Variants in PCDH9 observed in about 807,000 individuals in gnomAD.
PCDH9 encodes protocadherin 9, also known as protocadherin-9.
A neutral mutation model predicts 70.6 loss-of-function variants in PCDH9; 24 were observed. That is an observed-to-expected ratio of 0.34 (90% CI 0.25 to 0.48). PCDH9 has a LOEUF of 0.48. Among genes scored for constraint, PCDH9 ranks in the 20% least tolerant of loss-of-function variants. PCDH9 has a pLI of 0.99. For synonymous variants in PCDH9, 562 were observed against 558.5 expected, an observed-to-expected ratio of 1.01 and a Z score of -0.09; for missense variants, 1,281 against 1,503.6, an observed-to-expected ratio of 0.85 and a Z score of 2.45.
chr13:66,495,328 A>C (rs1731916818), intron 4 of PCDH9, among the ~76,000 whole-genome samples: 1 of 152,222 alleles, frequency 6.6e-6, no homozygotes, highest in African/African-American at 2.4e-5. Flanking sequence ...GCAGGCTTTA[A>C]GCAATGACAC....
intron 4 of PCDH9, among the ~76,000 whole-genome samples, chr13:66,467,389 T>C (rs1398297320): frequency 1.3e-5 from 2 of 152,008 alleles, no homozygotes. Context: ...CATAGTCAGG[T>C]ACCTATGTCT....
At chr13:66,344,675 A>T (rs1956186344) in intron 4 of PCDH9, among the ~76,000 whole-genome samples, 1 of 152,192 alleles carries the variant, frequency 6.6e-6, no homozygotes, top group Non-Finnish European at 1.5e-5. Flanking sequence ...CCTTCCCTTT[A>T]GCTATATAAT....
intron 4 of PCDH9, among the ~76,000 whole-genome samples, chr13:66,359,261 G>C (rs1354185891): frequency 6.6e-6 from 1 of 151,828 alleles, no homozygotes; most frequent in Non-Finnish European, 1.5e-5. Context: ...ACATACTAAA[G>C]GCTTCTTAGT....
At position 66,957,525 on chromosome 13, in the gene PCDH9, T is replaced by C. The variant is rs147771850; in HGVS notation, c.3037-53920A>G. On this transcript the variant is annotated intron_variant, in intron 2 of 4. Coordinates refer to ENST00000377865, the MANE Select transcript of PCDH9 (RefSeq NM_203487.3). ...ATGTTAAATATTTTAGAAAAGTTGC[T>C]GGGAACTGAAATGAAAGCCCTAACC... Among the ~76,000 whole-genome samples the C allele has an allele frequency of 4.6e-5, 7 of 152,292 alleles. No homozygotes were observed. The East Asian group carries it at 1.4e-3, about 29-fold the overall frequency.
chr13:66,732,855 A>G (rs895222135), intron 3 of PCDH9, among the ~76,000 whole-genome samples: 46 of 152,172 alleles, frequency 3.0e-4, no homozygotes, highest in African/African-American at 1.1e-3. Context: ...GAGATATTTT[A>G]TGGCAGATAC....
At chr13:66,565,237 T>A (rs1428439926) in intron 4 of PCDH9, among the ~76,000 whole-genome samples, 1 of 152,192 alleles carries the variant, frequency 6.6e-6, no homozygotes, top group Admixed American at 6.5e-5. Context: ...ACTTTGAAAC[T>A]CCAAGAATGT....
intron 2 of PCDH9, among the ~76,000 whole-genome samples, chr13:67,152,070 T>TA (rs2087676566): frequency 6.6e-6 from 1 of 152,236 alleles, no homozygotes; most frequent in South Asian, 2.1e-4. Flanking sequence ...TGTATCTTCT[T>TA]ATAGCTGAAG....
At position 66,845,901 on chromosome 13, in the gene PCDH9, T is replaced by C. The variant is rs950814355; in HGVS notation, c.3138+57603A>G. 4.6e-5 allele frequency among the ~76,000 whole-genome samples: 7 copies of C among 152,284 alleles called. No homozygotes were observed. The East Asian group carries it at 7.7e-4, about 17-fold the overall frequency. The stretch of plus-strand genomic sequence containing the variant: ...AATAAATAGTTACAACATGCATAAA[T>C]ATACTTTATCATATAAACACACACA... On this transcript the variant is annotated intron_variant, in intron 3 of 4. Transcript: ENST00000377865.
intron 3 of PCDH9, among the ~76,000 whole-genome samples, chr13:66,697,424 G>T (rs920876778): frequency 6.6e-6 from 1 of 152,048 alleles, no homozygotes; most frequent in Admixed American, 6.6e-5. Context: ...ATGTCTAATG[G>T]CTGGGGCATT....
At chr13:67,080,398 C>T (rs181745138) in intron 2 of PCDH9, among the ~76,000 whole-genome samples, 1 of 152,126 alleles carries the variant, frequency 6.6e-6, no homozygotes, top group Non-Finnish European at 1.5e-5. Flanking sequence ...TTTCAGAACA[C>T]CAACTTTGGA....
chr13:66,617,646 C>G (rs2077372751), intron 4 of PCDH9, among the ~76,000 whole-genome samples: 1 of 152,194 alleles, frequency 6.6e-6, no homozygotes, highest in Non-Finnish European at 1.5e-5. Flanking sequence ...TTTGGCTTTC[C>G]TCTCCCTGTG....
chr13:66,932,070 A>G (rs1431137382), intron 2 of PCDH9, among the ~76,000 whole-genome samples: 1 of 152,128 alleles, frequency 6.6e-6, no homozygotes, highest in Non-Finnish European at 1.5e-5. Flanking sequence ...GGACACAGAC[A>G]TTAGTACCTG....
At chr13:66,341,837 T>C (rs147414718) in intron 4 of PCDH9, among the ~76,000 whole-genome samples, 14 of 152,268 alleles carry the variant, frequency 9.2e-5, no homozygotes, top group African/African-American at 3.4e-4. Context: ...GGAGGAGAGC[T>C]TGTGTCTCAC....
At chr13:66,670,837 AG>A (rs2078163759) in intron 3 of PCDH9, among the ~76,000 whole-genome samples, 1 of 149,908 alleles carries the variant, frequency 6.7e-6, no homozygotes, top group African/African-American at 2.4e-5. Flanking sequence ...AGTTGGAAAT[AG>A]GGACTTTGGA....
chr13:66,811,676 GC>G (rs2080508773), intron 3 of PCDH9, among the ~76,000 whole-genome samples: 1 of 145,366 alleles, frequency 6.9e-6, no homozygotes, highest in Non-Finnish European at 1.5e-5. Flanking sequence ...CTTCCTGCCT[GC>G]CTGTCTGCCT....
intron 4 of PCDH9, among the ~76,000 whole-genome samples, chr13:66,380,120 A>G (rs1956819171): frequency 6.6e-6 from 1 of 152,200 alleles, no homozygotes; most frequent in Non-Finnish European, 1.5e-5. Context: ...TAGAAAAAGT[A>G]TATAACCTCT....
chr13:66,765,980 A>T (rs900427117), intron 3 of PCDH9, among the ~76,000 whole-genome samples: 1 of 152,096 alleles, frequency 6.6e-6, no homozygotes, highest in Admixed American at 6.6e-5. Context: ...GATATGTATT[A>T]TTATTTAAAA....
chr13:67,037,925 A>G (rs2085041387), intron 2 of PCDH9, among the ~76,000 whole-genome samples: 1 of 152,208 alleles, frequency 6.6e-6, no homozygotes, highest in South Asian at 2.1e-4. Context: ...AACCTGGATT[A>G]ATGACCAGTG....
intron 4 of PCDH9, among the ~76,000 whole-genome samples, chr13:66,428,099 T>C (rs981624488): frequency 2.0e-5 from 3 of 151,738 alleles, no homozygotes; most frequent in Non-Finnish European, 4.4e-5. Flanking sequence ...GGTAACAGTG[T>C]ATATTATGTT....
Sources: allele counts gnomAD v4.1 joint callset (sites outside exome capture counted in the v4.1 genomes callset), GRCh38; gene constraint gnomAD v4.1.1; transcripts MANE v1.5; gene names NCBI Gene and HGNC (gene_info 2026-07-23, HGNC 2026-07-21).